DNER: variants seen among roughly 807,000 people sequenced by gnomAD.
DNER encodes delta and Notch-like epidermal growth factor-related receptor.
DNER carries 33 observed loss-of-function variants against 78.2 expected under a neutral mutation model. That is an observed-to-expected ratio of 0.42 (90% CI 0.32 to 0.56). The LOEUF (loss-of-function observed/expected upper bound fraction) is 0.56. Ranked by LOEUF, DNER falls within the 20% of genes least tolerant of loss-of-function variation. The probability of loss-of-function intolerance (pLI) is 0.11; values close to 1 mark genes in which losing one functional copy is unlikely to be tolerated. For synonymous variants in DNER, 417 were observed against 384.8 expected, an observed-to-expected ratio of 1.08 and a Z score of -0.98; for missense variants, 918 against 975.3, an observed-to-expected ratio of 0.94 and a Z score of 0.78.
At chr2:229,425,616 A>G (rs1693857785) in intron 8 of DNER, among the ~76,000 whole-genome samples, 1 of 152,104 alleles carries the variant, frequency 6.6e-6, no homozygotes, top group South Asian at 2.1e-4. Context: ...TTAAACATCA[A>G]TCCAGGACCC....
intron 11 of DNER, among the ~76,000 whole-genome samples, chr2:229,369,424 A>C (rs2106327441): frequency 6.6e-6 from 1 of 151,908 alleles, no homozygotes. Flanking sequence ...TAAAAAGTTA[A>C]ACAAAAAGTT....
intron 5 of DNER, among the ~76,000 whole-genome samples, chr2:229,534,137 GAGATTGTAATGAAACAGACCAAT>G (rs1696359541): frequency 2.0e-5 from 3 of 152,004 alleles, no homozygotes; most frequent in East Asian, 1.9e-4. Flanking sequence ...AACAGGCCAA[GAGATTGTAATGAAACAGACCAAT>G]AGATTGTAAT....
intron 4 of DNER, among the ~76,000 whole-genome samples, chr2:229,584,888 C>T (rs1206688088): frequency 7.6e-6 from 1 of 131,298 alleles, no homozygotes; most frequent in Non-Finnish European, 1.6e-5. Context: ...GAGCTGAGAT[C>T]GTCCCAAAAA....
At chr2:229,401,324 G>A (rs1427313892) in intron 10 of DNER, among the ~76,000 whole-genome samples, 1 of 151,948 alleles carries the variant, frequency 6.6e-6, no homozygotes, top group Non-Finnish European at 1.5e-5. Flanking sequence ...GAATTTCTGG[G>A]CAATTGTCCC....
intron 1 of DNER, among the ~76,000 whole-genome samples, chr2:229,608,725 G>A (rs1195310227): frequency 6.6e-6 from 1 of 152,176 alleles, no homozygotes; most frequent in African/African-American, 2.4e-5. Context: ...GAGAGGGAGG[G>A]AAGTGGGTTG....
chr2:229,503,745 T>TTTGCTTG (rs1695675332), intron 6 of DNER, among the ~76,000 whole-genome samples: 1 of 152,132 alleles, frequency 6.6e-6, no homozygotes, highest in Non-Finnish European at 1.5e-5. Flanking sequence ...TTGTTGCTTG[T>TTTGCTTG]TTGCTTGTTT....
chr2:229,404,800 T>G (rs1252910550), intron 10 of DNER, among the ~76,000 whole-genome samples: 1 of 152,156 alleles, frequency 6.6e-6, no homozygotes, highest in East Asian at 1.9e-4. Flanking sequence ...TTTAAATGCA[T>G]TAGAGACTTA....
At chr2:229,598,442 G>A (rs771827723) in intron 1 of DNER, among the ~76,000 whole-genome samples, 7 of 152,212 alleles carry the variant, frequency 4.6e-5, no homozygotes, top group African/African-American at 9.6e-5. Flanking sequence ...AGTCAGAGAC[G>A]TTAACTTGGA....
intron 6 of DNER, among the ~76,000 whole-genome samples, chr2:229,488,406 T>C (rs1367746902): frequency 6.6e-6 from 1 of 152,200 alleles, no homozygotes; most frequent in Non-Finnish European, 1.5e-5. Context: ...TTTGTGTATG[T>C]GTTATGTGCA....
intron 5 of DNER, among the ~76,000 whole-genome samples, chr2:229,537,379 A>T (rs1696426987): frequency 2.0e-5 from 3 of 152,204 alleles, no homozygotes; most frequent in Non-Finnish European, 4.4e-5. Flanking sequence ...GGTGGAAGGC[A>T]TTAGAGGCAG....
rs1692764700 is a variant in DNER, at chr2:229,382,444, GAAGGTGGGT to G, written c.1855+5812_1855+5820del. On this transcript the variant is annotated intron_variant, in intron 11 of 12. Coordinates refer to ENST00000341772, the MANE Select transcript of DNER (RefSeq NM_139072.4). ...GACGAATTGACAGAAGTAGGTTCCA[GAAGGTGGGT>G]AATAACAAACTCCTCTGAGCTAAAG... 3.3e-5 allele frequency among the ~76,000 whole-genome samples: 5 copies of G among 152,276 alleles called. No homozygotes were observed. The East Asian group carries it at 9.7e-4, about 30-fold the overall frequency.
In DNER at chr2:229,357,737, T is replaced by A. The variant is rs1692120596; in HGVS notation, c.*803A>T. 6.6e-6 allele frequency: 1 copy of A among 152,166 alleles called. No homozygotes were observed. The highest frequency in any genetic ancestry group is 2.4e-5 in the African/African-American group (1 of 41,446). The allele number at this position is 152,166 out of a possible 1,614,324, so 9.4% of individuals were successfully genotyped here. ...AAAACATCCTGGAGATAAATAAAGCTGCACTATGAGAAATACTCACTACTG... is the reference window on the plus strand; with the variant it reads ...AAAACATCCTGGAGATAAATAAAGCAGCACTATGAGAAATACTCACTACTG... On this transcript the variant is annotated 3_prime_UTR_variant, in exon 13 of 13. Coordinates refer to ENST00000341772, the MANE Select transcript of DNER (RefSeq NM_139072.4).
In DNER at chr2:229,524,069, A is replaced by C. The variant is rs146737143; in HGVS notation, c.994-11133T>G. ...TCTCATTTTATATTTGAGGTAACTG[A>C]GGCACAGAGAGGGTGAGTAAATTGA... is the stretch of plus-strand genomic sequence containing the variant. On this transcript the variant is annotated intron_variant, in intron 5 of 12. Coordinates refer to ENST00000341772, the MANE Select transcript of DNER (RefSeq NM_139072.4). Among the ~76,000 whole-genome samples, 3 of 152,344 alleles carry C rather than the reference A, an allele frequency of 2.0e-5. No individual in the cohort carries two copies. In the East Asian group the frequency reaches 5.8e-4, roughly 29 times the overall value.
chr2:229,558,544 C>G (rs889622632), intron 4 of DNER, among the ~76,000 whole-genome samples: 4 of 152,164 alleles, frequency 2.6e-5, no homozygotes, highest in Non-Finnish European at 5.9e-5. Flanking sequence ...TCAAAGTTTT[C>G]ACAAATAAAC....
At chr2:229,437,858 CAGG>C (rs1196211858) in intron 8 of DNER, among the ~76,000 whole-genome samples, 2 of 152,160 alleles carry the variant, frequency 1.3e-5, no homozygotes, top group African/African-American at 4.8e-5. Context: ...ATCATCAATG[CAGG>C]AGGTTTTCAG....
intron 5 of DNER, among the ~76,000 whole-genome samples, chr2:229,535,118 G>A (rs1018436315): frequency 6.6e-6 from 1 of 152,210 alleles, no homozygotes; most frequent in Admixed American, 6.5e-5. Flanking sequence ...TTACAGGCAT[G>A]AGCCACCACG....
At chr2:229,681,429 A>C (rs931473542) in intron 1 of DNER, among the ~76,000 whole-genome samples, 26 of 152,298 alleles carry the variant, frequency 1.7e-4, no homozygotes, top group African/African-American at 5.5e-4. Flanking sequence ...CCAGGTAACC[A>C]TCTACTTGTC....
At chr2:229,670,239 G>T (rs895056688) in intron 1 of DNER, among the ~76,000 whole-genome samples, 3 of 152,212 alleles carry the variant, frequency 2.0e-5, no homozygotes, top group African/African-American at 7.2e-5. Flanking sequence ...TTCATAGTGG[G>T]AGCTGATTCC....
chr2:229,440,428 G>A (rs942156061), intron 8 of DNER, among the ~76,000 whole-genome samples: 4 of 152,188 alleles, frequency 2.6e-5, no homozygotes, highest in African/African-American at 9.6e-5. Flanking sequence ...CCCTCACCCT[G>A]CAACCTCCCG....
Sources: gnomAD v4.1 joint callset for allele counts (sites outside exome capture counted in the v4.1 genomes callset) on GRCh38, gnomAD v4.1.1 for gene constraint, MANE v1.5 for transcripts, NCBI Gene and HGNC (gene_info 2026-07-23, HGNC 2026-07-21) for gene names.